PTPRD: variants seen among roughly 807,000 people sequenced by gnomAD.
PTPRD encodes protein tyrosine phosphatase receptor type D.
PTPRD carries 34 observed loss-of-function variants against 214.5 expected under a neutral mutation model. That is an observed-to-expected ratio of 0.16 (90% CI 0.12 to 0.21). PTPRD has a LOEUF of 0.21. Ranked by LOEUF, PTPRD falls within the 10% of genes least tolerant of loss-of-function variation. The probability of loss-of-function intolerance (pLI) is 1.00; values close to 1 mark genes in which losing one functional copy is unlikely to be tolerated. For missense variants in PTPRD, 2,545 were observed against 2,398.7 expected (o/e 1.06, Z -1.27); for synonymous variants, 1,128 against 845.7 (o/e 1.33, Z -5.79).
chr9:8,749,647 C>T (rs984299022), intron 11 of PTPRD, among the ~76,000 whole-genome samples: 4 of 152,308 alleles, frequency 2.6e-5, no homozygotes, highest in Middle Eastern at 3.4e-3. Context: ...AGACAATGTC[C>T]TCATGTTATC....
chr9:8,650,251 C>T (rs148553231), intron 12 of PTPRD, among the ~76,000 whole-genome samples: 9 of 151,684 alleles, frequency 5.9e-5, no homozygotes, highest in Admixed American at 3.3e-4. Context: ...GATATGTGGA[C>T]GGGCACGGTG....
At chr9:10,525,727 A>AGAGT (rs1555475871) in intron 2 of PTPRD, among the ~76,000 whole-genome samples, 18 of 146,962 alleles carry the variant, frequency 1.2e-4, no homozygotes, top group Non-Finnish European at 2.3e-4. Context: ...AGATTTTCAA[A>AGAGT]GTGTGTGTGT....
intron 10 of PTPRD, among the ~76,000 whole-genome samples, chr9:9,153,477 A>G (rs1037849839): frequency 2.0e-5 from 3 of 152,214 alleles, no homozygotes; most frequent in Non-Finnish European, 4.4e-5. Context: ...TTAAACATTT[A>G]CATAAAAATT....
intron 8 of PTPRD, among the ~76,000 whole-genome samples, chr9:9,526,285 A>T (rs2074102298): frequency 6.6e-6 from 1 of 152,158 alleles, no homozygotes; most frequent in Non-Finnish European, 1.5e-5. Flanking sequence ...TGGTGCTTTT[A>T]TGACTATTTA....
In PTPRD at chr9:10,500,099, C is replaced by T. The variant is rs978909702; in HGVS notation, c.-600+112299G>A. On this transcript the variant is annotated intron_variant, in intron 2 of 45. Transcript: ENST00000381196. ...CATCAAATATATACATTTCTACTAA[C>T]GGATTTCTCCCATAAGAAGCTATGG... Among the ~76,000 whole-genome samples the T allele has an allele frequency of 4.6e-5, 7 of 151,856 alleles. No homozygotes were observed. In the South Asian group the frequency reaches 6.2e-4, roughly 14 times the overall value.
chr9:10,066,103 T>C lies in PTPRD; in HGVS notation c.-544-32313A>G, dbSNP rs189647418. ...TGTCCCTAGTAAAGTGAATGGCTTATTTAGTGGATGGTTGGTCTTTTTGCC... is the reference window on the plus strand; with the variant it reads ...TGTCCCTAGTAAAGTGAATGGCTTACTTAGTGGATGGTTGGTCTTTTTGCC... On this transcript the variant is annotated intron_variant, in intron 3 of 45. Coordinates refer to ENST00000381196, the MANE Select transcript of PTPRD (RefSeq NM_002839.4). 9.9e-5 allele frequency among the ~76,000 whole-genome samples: 15 copies of C among 152,056 alleles called. No individual in the cohort carries two copies. The East Asian group carries it at 2.7e-3, about 28-fold the overall frequency.
intron 3 of PTPRD, among the ~76,000 whole-genome samples, chr9:10,319,840 G>T (rs530469140): frequency 1.3e-5 from 2 of 152,088 alleles, no homozygotes; most frequent in Admixed American, 6.6e-5. Flanking sequence ...CAGGCTAGGG[G>T]TTTAGCTAAA....
At chr9:8,684,591 A>T (rs1273994456) in intron 12 of PTPRD, among the ~76,000 whole-genome samples, 2 of 152,198 alleles carry the variant, frequency 1.3e-5, no homozygotes, top group Non-Finnish European at 2.9e-5. Context: ...CAACTAACCT[A>T]CACTGAATCC....
intron 4 of PTPRD, among the ~76,000 whole-genome samples, chr9:9,945,437 T>C (rs955393518): frequency 2.6e-5 from 4 of 152,032 alleles, no homozygotes; most frequent in African/African-American, 9.7e-5. Context: ...GATATGAAGA[T>C]AAAAATCAAG....
chr9:9,638,121 A>G (rs1182864437), intron 7 of PTPRD, among the ~76,000 whole-genome samples: 1 of 152,138 alleles, frequency 6.6e-6, no homozygotes, highest in Non-Finnish European at 1.5e-5. Context: ...ACTAATATCC[A>G]TATCAAACCT....
rs143331556 is a variant in PTPRD at position 10,343,045 on chromosome 9, G to A, written c.-599-2028C>T. Among the ~76,000 whole-genome samples the A allele has an allele frequency of 1.1e-4, 17 of 152,188 alleles. No individual in the cohort carries two copies. In the East Asian group the frequency reaches 2.9e-3, roughly 26 times the overall value. The stretch of plus-strand genomic sequence containing the variant: ...CACAACGTGCAGTTTTGATACCTAG[G>A]TACACATGTGCCATGTTGGTTTGTT... On this transcript the variant is annotated intron_variant, in intron 2 of 45. Transcript: ENST00000381196.
chr9:8,470,165 A>G (rs1382979222), intron 31 of PTPRD, among the ~76,000 whole-genome samples: 2 of 152,134 alleles, frequency 1.3e-5, no homozygotes, highest in African/African-American at 4.8e-5. Context: ...GCATCATGTT[A>G]AAATAACAAA....
chr9:9,236,717 T>C (rs2099966974), intron 9 of PTPRD, among the ~76,000 whole-genome samples: 1 of 151,892 alleles, frequency 6.6e-6, no homozygotes, highest in South Asian at 2.1e-4. Context: ...TGTCACATTT[T>C]TAACACTCCG....
rs535720015 is a variant in PTPRD at position 8,835,270 on chromosome 9, G to A, written c.-103-101324C>T. Among the ~76,000 whole-genome samples, 484 of 152,352 alleles carry A rather than the reference G, an allele frequency of 3.2e-3. 2 individuals carry two copies. Among genetic ancestry groups the A allele is most frequent in the Non-Finnish European group, 5.4e-3 (369 of 68,040 alleles). On this transcript the variant is annotated intron_variant, in intron 11 of 45. Coordinates refer to ENST00000381196, the MANE Select transcript of PTPRD (RefSeq NM_002839.4). ...GGATCTGGCTCTGCATTTCAGGTGC[G>A]TGGGCACAGAGAATGGGATATGTCT...
At chr9:8,540,839 T>C (rs552611016) in intron 14 of PTPRD, among the ~76,000 whole-genome samples, 4 of 152,296 alleles carry the variant, frequency 2.6e-5, no homozygotes, top group African/African-American at 9.6e-5. Flanking sequence ...CAGATATGTC[T>C]AAATAATTTT....
intron 14 of PTPRD, among the ~76,000 whole-genome samples, chr9:8,593,978 C>T (rs1250162371): frequency 6.6e-6 from 1 of 152,186 alleles, no homozygotes; most frequent in Non-Finnish European, 1.5e-5. Flanking sequence ...CATATATTCA[C>T]ATATAGTAGT....
chr9:10,359,780 T>C (rs1214871274), intron 2 of PTPRD, among the ~76,000 whole-genome samples: 1 of 152,156 alleles, frequency 6.6e-6, no homozygotes. Context: ...TAGTGTACAC[T>C]AGGGGATACT....
chr9:9,778,338 C>T (rs1037660856), intron 5 of PTPRD, among the ~76,000 whole-genome samples: 1 of 152,094 alleles, frequency 6.6e-6, no homozygotes, highest in African/African-American at 2.4e-5. Flanking sequence ...TAAGCTGTGT[C>T]CTCCATGAAT....
chr9:10,192,686 C>T (rs1224728480), intron 3 of PTPRD, among the ~76,000 whole-genome samples: 2 of 152,106 alleles, frequency 1.3e-5, no homozygotes, highest in Non-Finnish European at 2.9e-5. Flanking sequence ...CTTCCAAATC[C>T]TAACCTTGCT....
Sources: gnomAD v4.1 joint callset for allele counts (sites outside exome capture counted in the v4.1 genomes callset) on GRCh38, gnomAD v4.1.1 for gene constraint, MANE v1.5 for transcripts, NCBI Gene and HGNC (gene_info 2026-07-23, HGNC 2026-07-21) for gene names.